Variants in SV2C observed in about 807,000 individuals in gnomAD.
SV2C encodes the protein synaptic vesicle glycoprotein 2C.
SV2C carries 49 observed loss-of-function variants against 79.7 expected under a neutral mutation model. That is an observed-to-expected ratio of 0.61 (90% CI 0.49 to 0.78). The LOEUF is 0.78. Ranked by LOEUF, SV2C falls within the 30% of genes least tolerant of loss-of-function variation. The pLI, the probability that SV2C is intolerant of heterozygous loss-of-function variation, is 0.00. For missense variants in SV2C, 833 were observed against 912.9 expected (o/e 0.91, Z 1.13); for synonymous variants, 334 against 333.2 (o/e 1.00, Z -0.03).
chr5:76,003,562 G>T, the SV2C span, among the ~76,000 whole-genome samples: 1 of 152,078 alleles, frequency 6.6e-6, no homozygotes, highest in East Asian at 1.9e-4. Context: ...TGTTTTGTGT[G>T]CTTGTAAGGC....
At chr5:75,897,782 A>C in the SV2C span, among the ~76,000 whole-genome samples, 3,439 of 150,544 alleles carry the variant, frequency 0.023, 40 homozygotes, top group African/African-American at 0.078. Context: ...GAGGTCCTTC[A>C]CGTCCCTTGT....
At chr5:76,291,156 T>C (rs1580032296) in intron 6 of SV2C, 65 bp from the exon 7 acceptor site, 4 of 1,258,764 alleles carry the variant, frequency 3.2e-6, no homozygotes, top group African/African-American at 1.5e-5. Flanking sequence ...AAAAACAAAT[T>C]ATAACCCTAC....
At chr5:75,857,461 G>T in the SV2C span, among the ~76,000 whole-genome samples, 1 of 152,012 alleles carries the variant, frequency 6.6e-6, no homozygotes. Flanking sequence ...CTGTTCCATT[G>T]GTCTGTGTGT....
At chr5:75,863,688 T>C in the SV2C span, among the ~76,000 whole-genome samples, 3 of 152,370 alleles carry the variant, frequency 2.0e-5, no homozygotes, top group Non-Finnish European at 2.9e-5. Context: ...TATTTGGTTC[T>C]GACTTGCTTT....
chr5:75,880,685 A>ACT, the SV2C span, among the ~76,000 whole-genome samples: 1 of 152,040 alleles, frequency 6.6e-6, no homozygotes, highest in Admixed American at 6.6e-5. Flanking sequence ...GAAGTTCCAA[A>ACT]CTTTCCCTCA....
intron 2 of SV2C, chr5:76,170,954 C>G: frequency 3.4e-6 from 1 of 294,690 alleles, no homozygotes; most frequent in Non-Finnish European, 5.4e-6. Context: ...CTGCCGCGAC[C>G]GACCGCAGCC....
rs1009648804 is a variant in SV2C, at chr5:76,088,799, T to TA, written c.-102+5296dup. Among the ~76,000 whole-genome samples, 668 of 151,870 alleles carry TA rather than the reference T, an allele frequency of 4.4e-3. 2 individuals are homozygous for TA. The highest frequency in any genetic ancestry group is 7.1e-3 in the African/African-American group (296 of 41,512). On this transcript the variant is annotated intron_variant, in intron 1 of 12. Transcript: ENST00000502798. ...ACTAATTTTACAATTTCCTTTTTTT[T>TA]AAAAAAAAATGGGAATTTTTCATTA...
chr5:75,901,702 A>G, the SV2C span, among the ~76,000 whole-genome samples: 1,998 of 152,368 alleles, frequency 0.013, 31 homozygotes, highest in African/African-American at 0.043. Context: ...TGGAGCCTAC[A>G]GAGGCAGGCA....
chr5:76,169,373 T>C (rs912096126), intron 2 of SV2C, among the ~76,000 whole-genome samples: 1 of 152,140 alleles, frequency 6.6e-6, no homozygotes, highest in Non-Finnish European at 1.5e-5. Context: ...CATCTAGACA[T>C]GATGTAATAT....
chr5:76,162,284 C>A (rs1370773063), intron 2 of SV2C, among the ~76,000 whole-genome samples: 1 of 152,144 alleles, frequency 6.6e-6, no homozygotes, highest in East Asian at 1.9e-4. Context: ...TCAATGAATG[C>A]TTCCAAAGAA....
chr5:76,352,501 G>A (rs1217014892), intron 12 of SV2C, among the ~76,000 whole-genome samples: 2 of 152,208 alleles, frequency 1.3e-5, no homozygotes, highest in Non-Finnish European at 2.9e-5. Flanking sequence ...ATAAAAGCTA[G>A]TTCAGCCCCC....
At chr5:75,984,559 ATCTATCTATATCTATCTATCTATC>A in the SV2C span, among the ~76,000 whole-genome samples, 2 of 99,522 alleles carry the variant, frequency 2.0e-5, no homozygotes, top group Non-Finnish European at 5.2e-5. Context: ...CTATCTATCT[ATCTATCTATATCTATCTATCTATC>A]TATCTATCTA....
intron 2 of SV2C, among the ~76,000 whole-genome samples, chr5:76,164,780 G>C (rs1442711654): frequency 7.5e-6 from 1 of 132,884 alleles, no homozygotes; most frequent in Admixed American, 7.9e-5. Context: ...TCATCCCTCA[G>C]TATCTGTGTG....
At chr5:76,222,285 T>C (rs1160019763) in intron 4 of SV2C, among the ~76,000 whole-genome samples, 3 of 152,224 alleles carry the variant, frequency 2.0e-5, no homozygotes, top group Non-Finnish European at 4.4e-5. Context: ...TACTATAAAA[T>C]GCTACTCAGC....
the SV2C span, among the ~76,000 whole-genome samples, chr5:75,957,367 G>A: frequency 6.6e-6 from 1 of 152,032 alleles, no homozygotes; most frequent in Non-Finnish European, 1.5e-5. Context: ...ACTATGAGCT[G>A]CTATAAACCT....
chr5:76,228,298 GT>G (rs2112392788), intron 4 of SV2C, among the ~76,000 whole-genome samples: 1 of 152,306 alleles, frequency 6.6e-6, no homozygotes, highest in Admixed American at 6.5e-5. Flanking sequence ...CATGATAATG[GT>G]TTGAACAGGG....
chr5:76,179,271 T>C lies in SV2C; in HGVS notation c.581-15648T>C, dbSNP rs145156673. On this transcript the variant is annotated intron_variant, in intron 2 of 12. Transcript: ENST00000502798. ...ATGAGGATTCGTGGATAAGAATGAATGAACGAATGCAGTGTGCTTAGGGGC... is the reference window on the plus strand; with the variant it reads ...ATGAGGATTCGTGGATAAGAATGAACGAACGAATGCAGTGTGCTTAGGGGC... 5.9e-3 allele frequency among the ~76,000 whole-genome samples: 905 copies of C among 152,324 alleles called. 9 individuals carry two copies. Among genetic ancestry groups the C allele is most frequent in the Non-Finnish European group, 0.011 (771 of 68,014 alleles).
chr5:76,242,757 G>A (rs959096018), intron 4 of SV2C, among the ~76,000 whole-genome samples: 1 of 151,982 alleles, frequency 6.6e-6, no homozygotes, highest in African/African-American at 2.4e-5. Flanking sequence ...ATGATGCCAG[G>A]TGTGGTAGCT....
intron 9 of SV2C, chr5:76,296,235 A>G (rs1381065968): frequency 5.3e-6 from 1 of 190,350 alleles, no homozygotes; most frequent in African/African-American, 2.4e-5. Context: ...AGCAACAAAA[A>G]TAATGGAAGG....
Sources: gnomAD v4.1 joint callset for allele counts (sites outside exome capture counted in the v4.1 genomes callset) on GRCh38, gnomAD v4.1.1 for gene constraint, MANE v1.5 for transcripts, NCBI Gene and HGNC (gene_info 2026-07-23, HGNC 2026-07-21) for gene names.